SLC9A7: variants seen among roughly 807,000 people sequenced by gnomAD.
SLC9A7 encodes solute carrier family 9 member A7, also known as sodium/hydrogen exchanger 7.
A neutral mutation model predicts 52.6 loss-of-function variants in SLC9A7; 19 were observed. The observed-to-expected ratio is 0.36, with a 90% CI of 0.25 to 0.53. The LOEUF is 0.53. Ranked by LOEUF, SLC9A7 falls within the 20% of genes least tolerant of loss-of-function variation. SLC9A7 has a pLI of 0.91. For synonymous variants in SLC9A7, 226 were observed against 252.1 expected (o/e 0.90, Z 0.98); for missense variants, 455 against 597.9 (o/e 0.76, Z 2.49).
chrX:46,750,036 G>A (rs950084428), intron 1 of SLC9A7, among the ~76,000 whole-genome samples: 8 of 109,459 alleles, frequency 7.3e-5, no homozygotes, highest in Middle Eastern at 4.2e-3. Flanking sequence ...AGCAGAGACC[G>A]TGCCACTACA....
chrX:46,691,734 T>A (rs1944383252), intron 1 of SLC9A7, among the ~76,000 whole-genome samples: 1 of 110,989 alleles, frequency 9.0e-6, no homozygotes, highest in East Asian at 2.8e-4. Context: ...ATAGAAAAAA[T>A]ATCTCTAGAA....
At chrX:46,660,242 T>C (rs367819922) in intron 7 of SLC9A7, among the ~76,000 whole-genome samples, 1,386 of 110,578 alleles carry the variant, frequency 0.013, 22 homozygotes, top group African/African-American at 0.038. Flanking sequence ...AAGACTTAAA[T>C]GTTAGACCTA....
At chrX:46,702,949 T>C (rs1220776481) in intron 1 of SLC9A7, among the ~76,000 whole-genome samples, 1 of 112,164 alleles carries the variant, frequency 8.9e-6, no homozygotes, top group East Asian at 2.8e-4. Context: ...TCTGTTTTAT[T>C]TGACTATTTA....
chrX:46,720,337 C>A (rs1250922274), intron 1 of SLC9A7, among the ~76,000 whole-genome samples: 1 of 110,829 alleles, frequency 9.0e-6, no homozygotes, highest in Non-Finnish European at 1.9e-5. Context: ...CCCACTCCTG[C>A]CAACTCTACT....
intron 4 of SLC9A7, among the ~76,000 whole-genome samples, chrX:46,671,175 T>G (rs1382242379): frequency 2.7e-5 from 3 of 112,162 alleles, no homozygotes; most frequent in Non-Finnish European, 3.8e-5. Context: ...CCTTTTTCTG[T>G]TCCAGGATCT....
At chrX:46,644,415 C>T (rs1943455482) in intron 11 of SLC9A7, among the ~76,000 whole-genome samples, 1 of 112,059 alleles carries the variant, frequency 8.9e-6, no homozygotes, top group Non-Finnish European at 1.9e-5. Flanking sequence ...GTGGGTGGAT[C>T]ACCTGAGCTC....
At chrX:46,621,842 C>A (rs768920829) in intron 14 of SLC9A7, among the ~76,000 whole-genome samples, 1 of 112,251 alleles carries the variant, frequency 8.9e-6, no homozygotes, top group Non-Finnish European at 1.9e-5. Flanking sequence ...GAGGGTACTA[C>A]TAGGGCTGTG....
intron 14 of SLC9A7, among the ~76,000 whole-genome samples, chrX:46,626,928 T>C (rs943373248): frequency 3.6e-5 from 4 of 112,052 alleles, no homozygotes; most frequent in African/African-American, 1.3e-4. Flanking sequence ...CAGGTGGTTC[T>C]TTATAGAAGT....
chrX:46,651,902 C>G lies in SLC9A7; in HGVS notation c.1148-498G>C, dbSNP rs982052136. On this transcript the variant is annotated intron_variant, in intron 8 of 16. Transcript: ENST00000616978. ...CTATTACTACTGAACACTCCTACAA[C>G]CCCTCACCTCTCAACCTTTGTGTCT... is the stretch of plus-strand genomic sequence containing the variant. Among the ~76,000 whole-genome samples the G allele has an allele frequency of 5.5e-5, 6 of 108,498 alleles. No individual in the cohort carries two copies. In the East Asian group the frequency reaches 1.5e-3, roughly 26 times the overall value. The allele number at this position is 108,498 out of a possible 115,157, so 94.2% of individuals were successfully genotyped here. A position where few individuals can be genotyped will look rare whatever the true frequency, so the allele number is the denominator to read the frequency against.
intron 1 of SLC9A7, among the ~76,000 whole-genome samples, chrX:46,702,394 A>G (rs992799012): frequency 8.9e-6 from 1 of 111,875 alleles, no homozygotes; most frequent in African/African-American, 3.3e-5. Context: ...TCACCCAGGT[A>G]GTGAACATAG....
intron 1 of SLC9A7, among the ~76,000 whole-genome samples, chrX:46,752,474 C>T (rs782071667): frequency 7.2e-5 from 8 of 111,285 alleles, no homozygotes; most frequent in African/African-American, 1.6e-4. Flanking sequence ...TTTCCTTTGA[C>T]GTTGACTTTT....
Position 46,606,612 on chromosome X carries a change from C to T in SLC9A7, c.*340G>A. 2.0e-5 allele frequency: 18 copies of T among 902,903 alleles called. No homozygotes were observed. Among genetic ancestry groups the T allele is most frequent in the Non-Finnish European group, 2.5e-5 (18 of 732,260 alleles). The allele number at this position is 902,903 out of a possible 1,213,427, so 74.4% of individuals were successfully genotyped here. Reference sequence around the variant, plus strand: ...ATGCAGCCTCTCATGGGAGGAATCCCCCCACCCAGCACCTGCCTCGCCTTG... The same window carrying T: ...ATGCAGCCTCTCATGGGAGGAATCCTCCCACCCAGCACCTGCCTCGCCTTG... On this transcript the variant is annotated 3_prime_UTR_variant, in exon 17 of 17. Transcript: ENST00000616978.
intron 2 of SLC9A7, among the ~76,000 whole-genome samples, chrX:46,681,496 G>A (rs1050722613): frequency 4.5e-5 from 5 of 112,018 alleles, no homozygotes; most frequent in African/African-American, 1.6e-4. Flanking sequence ...TTAAGGATTA[G>A]GGTAGATTCC....
At chrX:46,721,275 C>T (rs1944855863) in intron 1 of SLC9A7, among the ~76,000 whole-genome samples, 1 of 111,708 alleles carries the variant, frequency 9.0e-6, no homozygotes, top group Middle Eastern at 4.6e-3. Context: ...ATGAGAATTG[C>T]CAGAAAGAGA....
chrX:46,607,182 CCT>C lies in SLC9A7; in HGVS notation c.1949_1950del (p.Glu650GlyfsTer4), dbSNP rs1336717782. ...QVYDNQEPLR[E>X]EDSDFILTEG... ...TCGGTCAGGATGAAATCAGAGTCTT[CCT>C]CTCTCAGTGGCTCTTGGTTCTGAAA... On this transcript the variant is annotated frameshift_variant, in exon 17 of 17. Coordinates refer to ENST00000616978, the MANE Select transcript of SLC9A7 (RefSeq NM_001257291.2). LOFTEE classifies it high-confidence loss of function. The C allele has an allele frequency of 2.5e-6, 3 of 1,208,554 alleles. No individual in the cohort carries two copies. The highest frequency in any genetic ancestry group is 3.4e-6 in the Non-Finnish European group (3 of 894,727).
chrX:46,702,703 G>T (rs1944549598), intron 1 of SLC9A7, among the ~76,000 whole-genome samples: 1 of 112,126 alleles, frequency 8.9e-6, no homozygotes, highest in Non-Finnish European at 1.9e-5. Context: ...ACCTAGGTTG[G>T]TTCCATGTCT....
intron 1 of SLC9A7, among the ~76,000 whole-genome samples, chrX:46,743,066 A>G (rs1921486265): frequency 9.0e-6 from 1 of 111,536 alleles, no homozygotes; most frequent in African/African-American, 3.3e-5. Flanking sequence ...AAAAAAATTA[A>G]TGAGCCTAAA....
intron 1 of SLC9A7, among the ~76,000 whole-genome samples, chrX:46,718,305 A>T (rs1427618904): frequency 8.9e-6 from 1 of 112,216 alleles, no homozygotes; most frequent in Non-Finnish European, 1.9e-5. Context: ...TTCAAGATGG[A>T]TTAAAGACTT....
Position 46,663,437 on chromosome X carries a change from G to C in SLC9A7, c.794-794C>G, listed in dbSNP as rs1426763626. On this transcript the variant is annotated intron_variant, in intron 5 of 16. Coordinates refer to ENST00000616978, the MANE Select transcript of SLC9A7 (RefSeq NM_001257291.2). ...GTGGATCACCTGAGGTCAGGAGTTC[G>C]ACACAAGCCTGACCAACACAGTGAA... is the stretch of plus-strand genomic sequence containing the variant. Among the ~76,000 whole-genome samples the C allele has an allele frequency of 4.7e-5, 5 of 105,729 alleles. No individual in the cohort carries two copies. In the East Asian group the frequency reaches 9.2e-4, roughly 19 times the overall value. The allele number at this position is 105,729 out of a possible 115,157, so 91.8% of individuals were successfully genotyped here. A position where few individuals can be genotyped will look rare whatever the true frequency, so the allele number is the denominator to read the frequency against.
Sources: allele counts gnomAD v4.1 joint callset (sites outside exome capture counted in the v4.1 genomes callset), GRCh38; gene constraint gnomAD v4.1.1; transcripts MANE v1.5; gene names NCBI Gene and HGNC (gene_info 2026-07-23, HGNC 2026-07-21).